The following TBC1D14 variants were observed in gnomAD, a reference collection of about 807,000 sequenced individuals.
The protein encoded by TBC1D14 is TBC1 domain family, member 14.
Under a neutral mutation model 79.0 loss-of-function variants are expected in TBC1D14, and 26 were observed. The ratio of observed to expected loss-of-function variants is 0.33; its 90% CI spans 0.24 to 0.46. The LOEUF is 0.46. Ranked by LOEUF, TBC1D14 falls within the 20% of genes least tolerant of loss-of-function variation. The probability of loss-of-function intolerance (pLI) is 1.00; values close to 1 mark genes in which losing one functional copy is unlikely to be tolerated. For synonymous variants in TBC1D14, 394 were observed against 349.9 expected (o/e 1.13, Z -1.40); for missense variants, 769 against 887.6 (o/e 0.87, Z 1.70).
At position 6,990,187 on chromosome 4, in the gene TBC1D14, C is replaced by T. The variant is rs373868080; in HGVS notation, c.844-3997C>T. Among the ~76,000 whole-genome samples, 4 of 152,288 alleles carry T rather than the reference C, an allele frequency of 2.6e-5. 1 individual carries two copies. In the East Asian group the frequency reaches 7.7e-4, roughly 29 times the overall value. ...TCTGGGGGCTGGGTGCAGTGGCTCA[C>T]GCCTGTAATCCCAGCACTTTGGAGG... On this transcript the variant is annotated intron_variant, in intron 3 of 13. Transcript: ENST00000409757.
intron 2 of TBC1D14, among the ~76,000 whole-genome samples, chr4:6,958,008 C>A (rs998985344): frequency 1.3e-5 from 2 of 150,542 alleles, no homozygotes; most frequent in Admixed American, 6.6e-5. Context: ...ACCCTCTTGG[C>A]GATGTTAAGC....
rs1324425559 is a variant in TBC1D14 at position 7,010,706 on chromosome 4, A to G, written c.1572A>G (p.Ala524=). The G allele has an allele frequency of 6.2e-7, 1 of 1,614,118 alleles. No individual in the cohort carries two copies. Residue 524 remains alanine (A), a synonymous_variant, in exon 11 of 14, where the codon GCA becomes GCG. Coordinates refer to ENST00000409757, the MANE Select transcript of TBC1D14 (RefSeq NM_020773.3). ...TGTTGATCTTGAACTTAGATACTGC[A>G]GATGCCTTTATTGCCTTTTCTAACC... ...AAVLILNLDT[A]DAFIAFSNLL... is the part of the protein sequence containing the mutation.
At chr4:6,970,968 G>A (rs1233377754) in intron 3 of TBC1D14, among the ~76,000 whole-genome samples, 1 of 145,672 alleles carries the variant, frequency 6.9e-6, no homozygotes, top group East Asian at 2.1e-4. Flanking sequence ...AGGAGCCTGT[G>A]GTTGAACTGG....
chr4:7,000,765 C>T (rs1303368159), intron 6 of TBC1D14, among the ~76,000 whole-genome samples: 1 of 152,242 alleles, frequency 6.6e-6, no homozygotes, highest in Non-Finnish European at 1.5e-5. Flanking sequence ...CCGCCTGGCA[C>T]TCCTCACCCA....
chr4:7,004,974 C>T, intron 8 of TBC1D14, 50 bp downstream of exon 8: 1 of 1,528,532 alleles, frequency 6.5e-7, no homozygotes, highest in Non-Finnish European at 9.1e-7. Flanking sequence ...TTATGTTTGT[C>T]ATTCTTTATT....
At chr4:6,994,736 C>G (rs1441137431) in intron 4 of TBC1D14, among the ~76,000 whole-genome samples, 3 of 151,522 alleles carry the variant, frequency 2.0e-5, no homozygotes, top group South Asian at 2.1e-4. Context: ...TGATGGGTGC[C>G]GTAATCCTAG....
chr4:6,997,913 A>T (rs1158967426), intron 5 of TBC1D14, among the ~76,000 whole-genome samples: 1 of 152,218 alleles, frequency 6.6e-6, no homozygotes, highest in Non-Finnish European at 1.5e-5. Flanking sequence ...TGATTTGGGA[A>T]AATGAGAAAG....
chr4:7,016,767 C>T lies in TBC1D14; in HGVS notation c.1757+2210C>T, dbSNP rs532298202. ...AAAAATGCTGGTGATAATCTGCTTT[C>T]GTTGCCTTCGTGATCCACTGGCTGT... On this transcript the variant is annotated intron_variant, in intron 12 of 13. Coordinates refer to ENST00000409757, the MANE Select transcript of TBC1D14 (RefSeq NM_020773.3). 9.8e-5 allele frequency among the ~76,000 whole-genome samples: 15 copies of T among 152,302 alleles called. No individual in the cohort carries two copies. In the South Asian group the frequency reaches 1.7e-3, roughly 17 times the overall value.
At chr4:7,000,866 T>A (rs536288921) in intron 6 of TBC1D14, among the ~76,000 whole-genome samples, 1 of 152,236 alleles carries the variant, frequency 6.6e-6, no homozygotes, top group Non-Finnish European at 1.5e-5. Flanking sequence ...CTTCATGTGC[T>A]CAGGTCATTC....
intron 8 of TBC1D14, 125 bp downstream of exon 8, chr4:7,005,049 G>C: frequency 1.1e-6 from 1 of 879,032 alleles, no homozygotes; most frequent in South Asian, 1.7e-5. Context: ...AAAGCTCCAC[G>C]AGAAAAGGGT....
At chr4:6,954,607 G>GACTA (rs10648255) in intron 2 of TBC1D14, among the ~76,000 whole-genome samples, 136,251 of 151,916 alleles carry the variant, frequency 0.9, 61,172 homozygotes, top group East Asian at 0.98. Context: ...TGTTTTTAAG[G>GACTA]ACTGTTTTTT....
rs554188629 is a variant in TBC1D14 at position 6,998,567 on chromosome 4, C to CT, written c.1046-517dup. ...CTTTCTTTTTTTTTTGAGGTGTAGT[C>CT]TCGCTCTGTTGCCCAGGCTGAAGTG... On this transcript the variant is annotated intron_variant, in intron 5 of 13. Coordinates refer to ENST00000409757, the MANE Select transcript of TBC1D14 (RefSeq NM_020773.3). Among the ~76,000 whole-genome samples the CT allele has an allele frequency of 4.3e-5, 6 of 140,292 alleles. No individual in the cohort carries two copies. The South Asian group carries it at 1.4e-3, about 32-fold the overall frequency. The allele number at this position is 140,292 out of a possible 152,430, so 92.0% of individuals were successfully genotyped here. A position where few individuals can be genotyped will look rare whatever the true frequency, so the allele number is the denominator to read the frequency against.
At chr4:6,936,649 C>T (rs540531098) in intron 2 of TBC1D14, among the ~76,000 whole-genome samples, 46 of 152,174 alleles carry the variant, frequency 3.0e-4, no homozygotes, top group Non-Finnish European at 5.6e-4. Flanking sequence ...AATACCAAGG[C>T]GTGCAGTGGC....
intron 2 of TBC1D14, among the ~76,000 whole-genome samples, chr4:6,958,478 T>C (rs1714876605): frequency 6.6e-6 from 1 of 152,118 alleles, no homozygotes; most frequent in African/African-American, 2.4e-5. Flanking sequence ...CCAGGCTGGC[T>C]GGAGTGCAGG....
intron 9 of TBC1D14, among the ~76,000 whole-genome samples, chr4:7,009,591 T>C (rs1457576217): frequency 2.0e-5 from 3 of 152,206 alleles, no homozygotes; most frequent in Non-Finnish European, 4.4e-5. Flanking sequence ...AACACAGTTA[T>C]ACAGCAGGAG....
intron 2 of TBC1D14, among the ~76,000 whole-genome samples, chr4:6,963,109 G>A (rs947671740): frequency 2.6e-5 from 4 of 152,278 alleles, no homozygotes; most frequent in African/African-American, 9.6e-5. Flanking sequence ...AGAAGCAGGG[G>A]AGCCCAGGCC....
chr4:6,992,522 T>G (rs1718608003), intron 3 of TBC1D14, among the ~76,000 whole-genome samples: 1 of 152,194 alleles, frequency 6.6e-6, no homozygotes, highest in Non-Finnish European at 1.5e-5. Flanking sequence ...CCGATGGAAA[T>G]GGGCATCCAC....
At chr4:6,987,031 GTCCCC>G in intron 3 of TBC1D14, 1 of 350,510 alleles carries the variant, frequency 2.9e-6, no homozygotes, top group Non-Finnish European at 4.5e-6. Flanking sequence ...GTCGGCGCGC[GTCCCC>G]GGTGTTTACG....
At chr4:6,919,014 G>C (rs1723619014) in intron 1 of TBC1D14, among the ~76,000 whole-genome samples, 1 of 152,190 alleles carries the variant, frequency 6.6e-6, no homozygotes, top group Non-Finnish European at 1.5e-5. Context: ...CTGGGGAAGA[G>C]CAGCGAGGGC....
Sources: allele counts gnomAD v4.1 joint callset (sites outside exome capture counted in the v4.1 genomes callset), GRCh38; gene constraint gnomAD v4.1.1; transcripts MANE v1.5; gene names NCBI Gene and HGNC (gene_info 2026-07-23, HGNC 2026-07-21).